Variants in MOCOS observed in about 807,000 individuals in gnomAD.
MOCOS encodes the protein human molybdenum cofactor sulfurase.
In MOCOS, 86 loss-of-function variants were observed where a neutral mutation model predicts 83.6. That is an observed-to-expected ratio of 1.03 (90% CI 0.86 to 1.23). MOCOS has a LOEUF of 1.23. MOCOS is among the 50% of genes most tolerant of loss of function. The pLI is 0.00. For missense variants in MOCOS, 1,120 were observed against 1,126.9 expected (o/e 0.99, Z 0.09); for synonymous variants, 445 against 434.7 (o/e 1.02, Z -0.29).
intron 1 of MOCOS, among the ~76,000 whole-genome samples, chr18:36,189,168 T>C (rs564068153): frequency 1.5e-4 from 23 of 152,240 alleles, no homozygotes; most frequent in African/African-American, 5.1e-4. Context: ...AAAGTAGAGC[T>C]ATGTTCTGGT....
intron 14 of MOCOS, 141 bp downstream of exon 14, chr18:36,266,994 T>A: frequency 1.4e-6 from 1 of 717,828 alleles, no homozygotes; most frequent in Non-Finnish European, 2.4e-6. Flanking sequence ...GCCATTAACC[T>A]ATCCTTGTTT....
chr18:36,252,045 C>A (rs2091624077), intron 11 of MOCOS, among the ~76,000 whole-genome samples: 1 of 152,122 alleles, frequency 6.6e-6, no homozygotes, highest in South Asian at 2.1e-4. Flanking sequence ...TAGATGTAAG[C>A]AATCTCTATG....
At position 36,269,877 on chromosome 18, in the gene MOCOS, GCAGGCTC is replaced by G. The variant is rs1428053130; in HGVS notation, c.*1200_*1206del. On this transcript the variant is annotated 3_prime_UTR_variant, in exon 15 of 15. Coordinates refer to ENST00000261326, the MANE Select transcript of MOCOS (RefSeq NM_017947.4). ...ATCTCTCCTGCTGCTCAGTTGGAGAGCAGGCTCCAGGCTCAGGCTTCCCTAATGTATC... is the reference window on the plus strand; with the variant it reads ...ATCTCTCCTGCTGCTCAGTTGGAGAGCAGGCTCAGGCTTCCCTAATGTATC... The G allele has an allele frequency of 3.3e-5, 5 of 152,258 alleles. No individual in the cohort carries two copies. The highest frequency in any genetic ancestry group is 1.2e-4 in the African/African-American group (5 of 41,454). 9.4% of individuals were successfully genotyped at this position (152,258 alleles called of 1,614,324 possible).
At chr18:36,209,834 C>A (rs2091447797) in intron 6 of MOCOS, among the ~76,000 whole-genome samples, 1 of 151,934 alleles carries the variant, frequency 6.6e-6, no homozygotes, top group Non-Finnish European at 1.5e-5. Flanking sequence ...ATGACGTTTT[C>A]TTTGGGTAGA....
chr18:36,224,761 A>C (rs1256636729), intron 9 of MOCOS, among the ~76,000 whole-genome samples: 1 of 152,198 alleles, frequency 6.6e-6, no homozygotes, highest in East Asian at 1.9e-4. Context: ...TATCAAGATA[A>C]TGCTGGCCTC....
At position 36,269,045 on chromosome 18, in the gene MOCOS, T is replaced by C; in HGVS notation, c.*360T>C. ...TTGCCATTTTCTCACATTGTTACTT[T>C]GTTTTTAGAGAGCATCTTTGGATCT... On this transcript the variant is annotated 3_prime_UTR_variant, in exon 15 of 15. Transcript: ENST00000261326. 1 of 293,662 alleles carries C rather than the reference T, an allele frequency of 3.4e-6. No homozygotes were observed. Among genetic ancestry groups the C allele is most frequent in the Non-Finnish European group, 6.5e-6 (1 of 153,476 alleles). The allele number at this position is 293,662 out of a possible 1,614,324, so 18.2% of individuals were successfully genotyped here.
chr18:36,191,032 G>A (rs7235517), intron 1 of MOCOS, among the ~76,000 whole-genome samples: 115,297 of 126,424 alleles, frequency 0.91, 52,777 homozygotes, highest in East Asian at 0.98. Flanking sequence ...AAAAAAAAAA[G>A]AAAAAGAAAA....
intron 9 of MOCOS, among the ~76,000 whole-genome samples, chr18:36,246,048 C>G (rs759456461): frequency 6.6e-6 from 1 of 151,774 alleles, no homozygotes; most frequent in Non-Finnish European, 1.5e-5. Flanking sequence ...TTTTAAATTT[C>G]TTTAAATTAG....
chr18:36,255,567 G>A (rs2091638503), intron 11 of MOCOS, among the ~76,000 whole-genome samples: 1 of 152,154 alleles, frequency 6.6e-6, no homozygotes, highest in Admixed American at 6.5e-5. Flanking sequence ...TGTGAAAGAG[G>A]AAGGGTCTTT....
chr18:36,204,881 T>TACTTGGGA (rs1346368144), intron 5 of MOCOS, among the ~76,000 whole-genome samples, 196 bp from the exon 6 acceptor site: 1 of 145,886 alleles, frequency 6.9e-6, no homozygotes, highest in East Asian at 2.1e-4. Flanking sequence ...TCGTCCCAGC[T>TACTTGGGA]ACTTGGGAGG....
At position 36,248,922 on chromosome 18, in the gene MOCOS, G is replaced by C; in HGVS notation, c.1961G>C (p.Gly654Ala). 6.2e-7 allele frequency: 1 copy of C among 1,613,388 alleles called. No homozygotes were observed. The highest frequency in any genetic ancestry group is 1.1e-5 in the South Asian group (1 of 91,038). The change falls in exon 10 of 15, where the codon GGG becomes GCG. Residue 654 changes from glycine (G) to alanine (A), a missense_variant and splice_region_variant. Transcript: ENST00000261326. ...RQRIMVIKAK[G>A]MEPIEVPLEE... ...TTTGTTTTTAACCTTTGTTCATTAG[G>C]GATGGAGCCTATAGAGGTGCCTCTT... is the stretch of plus-strand genomic sequence containing the variant.
intron 11 of MOCOS, among the ~76,000 whole-genome samples, chr18:36,254,458 C>CTGTGTGTGTG (rs60813321): frequency 3.9e-3 from 546 of 138,946 alleles, no homozygotes; most frequent in Middle Eastern, 7.5e-3. Context: ...TACATTATCT[C>CTGTGTGTGTG]TGTGTGTGTG....
At chr18:36,204,599 C>T (rs1224553195) in intron 5 of MOCOS, among the ~76,000 whole-genome samples, 2 of 152,130 alleles carry the variant, frequency 1.3e-5, no homozygotes, top group Non-Finnish European at 1.5e-5. Context: ...AAGACCTAAA[C>T]ATTTGTCACA....
intron 7 of MOCOS, among the ~76,000 whole-genome samples, chr18:36,214,269 A>AAAAAAAAAAAG (rs2091467443): frequency 2.3e-4 from 2 of 8,850 alleles, no homozygotes; most frequent in South Asian, 4.5e-3. Flanking sequence ...AAAAGAAAAG[A>AAAAAAAAAAAG]AAAAAAAGAA....
intron 5 of MOCOS, among the ~76,000 whole-genome samples, 198 bp from the exon 6 acceptor site, chr18:36,204,879 G>A (rs1212354128): frequency 6.7e-6 from 1 of 149,662 alleles, no homozygotes; most frequent in Non-Finnish European, 1.5e-5. Flanking sequence ...TGTCGTCCCA[G>A]CTACTTGGGA....
chr18:36,240,777 A>G lies in MOCOS; in HGVS notation c.1961-8145A>G, dbSNP rs563861148. 2.8e-3 allele frequency among the ~76,000 whole-genome samples: 419 copies of G among 152,204 alleles called. 1 individual carries two copies. Among genetic ancestry groups the G allele is most frequent in the Non-Finnish European group, 4.8e-3 (328 of 68,008 alleles). ...TTGATCTCAGACTGCTGTGCTAGCA[A>G]TCAGCGAGACTCCATGGGGTAGGAC... is the stretch of plus-strand genomic sequence containing the variant. On this transcript the variant is annotated intron_variant, in intron 9 of 14. Transcript: ENST00000261326.
intron 9 of MOCOS, among the ~76,000 whole-genome samples, chr18:36,232,715 T>C (rs941055248): frequency 5.3e-5 from 8 of 152,154 alleles, no homozygotes; most frequent in Admixed American, 2.6e-4. Flanking sequence ...ACTTAAAAAA[T>C]TCCCACATAT....
At chr18:36,200,380 G>A in intron 4 of MOCOS, 56 bp downstream of exon 4, 1 of 1,599,938 alleles carries the variant, frequency 6.3e-7, no homozygotes. Context: ...GGTCTGGCCT[G>A]TTTCTCCTGG....
chr18:36,249,664 C>T (rs942006972), intron 10 of MOCOS, among the ~76,000 whole-genome samples: 11 of 152,202 alleles, frequency 7.2e-5, no homozygotes, highest in Non-Finnish European at 1.5e-4. Context: ...AGGAAGGCCA[C>T]ATAAGCACCT....
Sources: gnomAD v4.1 joint callset for allele counts (sites outside exome capture counted in the v4.1 genomes callset) on GRCh38, gnomAD v4.1.1 for gene constraint, MANE v1.5 for transcripts, NCBI Gene and HGNC (gene_info 2026-07-23, HGNC 2026-07-21) for gene names.